The following TMEM108 variants were observed in gnomAD, a reference collection of about 807,000 sequenced individuals.
TMEM108 encodes cancer/testis antigen 124.
In TMEM108, 12 loss-of-function variants were observed where a neutral mutation model predicts 35.1. The observed-to-expected ratio is 0.34, with a 90% CI of 0.22 to 0.55. The LOEUF (loss-of-function observed/expected upper bound fraction) is 0.55, where lower values mean the gene tolerates loss of function less well. Ranked by LOEUF, TMEM108 falls within the 20% of genes least tolerant of loss-of-function variation. The pLI is 0.89. For synonymous variants in TMEM108, 287 were observed against 308.6 expected, an observed-to-expected ratio of 0.93 and a Z score of 0.73; for missense variants, 680 against 753.3, an observed-to-expected ratio of 0.90 and a Z score of 1.14.
intron 2 of TMEM108, among the ~76,000 whole-genome samples, chr3:133,082,613 C>G (rs1340612357): frequency 6.6e-6 from 1 of 152,054 alleles, no homozygotes; most frequent in Non-Finnish European, 1.5e-5. Flanking sequence ...ATTATATGGT[C>G]ACTTGTTTGC....
At chr3:133,106,869 G>A (rs1032102312) in intron 2 of TMEM108, among the ~76,000 whole-genome samples, 3 of 152,190 alleles carry the variant, frequency 2.0e-5, no homozygotes, top group Non-Finnish European at 4.4e-5. Flanking sequence ...CCCCAGTTAA[G>A]CTGCACTCAG....
chr3:133,237,457 CCTT>C, intron 3 of TMEM108, among the ~76,000 whole-genome samples: 1 of 152,210 alleles, frequency 6.6e-6, no homozygotes, highest in South Asian at 2.1e-4. Flanking sequence ...CAGGTCTTCT[CCTT>C]CTAATTCATC....
chr3:133,043,862 A>G (rs1441480571), intron 1 of TMEM108, among the ~76,000 whole-genome samples: 1 of 152,166 alleles, frequency 6.6e-6, no homozygotes, highest in African/African-American at 2.4e-5. Context: ...TTCCTTTTCT[A>G]TTTGTAATCC....
chr3:133,253,124 G>A (rs998091193), intron 3 of TMEM108, among the ~76,000 whole-genome samples: 1 of 152,094 alleles, frequency 6.6e-6, no homozygotes, highest in Non-Finnish European at 1.5e-5. Flanking sequence ...TTTTCTTCAG[G>A]GGTCCTGGGA....
At chr3:133,236,061 A>G (rs553710394) in intron 3 of TMEM108, among the ~76,000 whole-genome samples, 16 of 152,244 alleles carry the variant, frequency 1.1e-4, no homozygotes, top group South Asian at 2.1e-4. Flanking sequence ...TTTTATGAGA[A>G]TATGATGTTT....
chr3:133,380,341 G>A lies in TMEM108; in HGVS notation c.630G>A (p.Lys210=), dbSNP rs1214513434. The change falls in exon 4 of 6, where the codon AAG becomes AAA. Residue 210 remains lysine, a synonymous_variant. Coordinates refer to ENST00000321871, the MANE Select transcript of TMEM108 (RefSeq NM_023943.4). This position sits in a 1 kb window ranked among gnomAD's most constrained non-coding sequence, Gnocchi z 5.3. ...RNPSSTPLGQ[K]RPLGKIFQIY... ...CAAGCTCCACACCTCTGGGGCAGAA[G>A]CGGCCCCTGGGGAAAATCTTTCAGA... The A allele has an allele frequency of 1.9e-6, 3 of 1,614,120 alleles. No homozygotes were observed. The Admixed American group carries it at 5.0e-5, about 27-fold the overall frequency.
At chr3:133,199,263 A>G (rs1945624889) in intron 2 of TMEM108, among the ~76,000 whole-genome samples, 1 of 152,146 alleles carries the variant, frequency 6.6e-6, no homozygotes, top group African/African-American at 2.4e-5. Flanking sequence ...AAGTTTGATC[A>G]TCTGAAGCCT....
chr3:133,093,587 T>C (rs962486969), intron 2 of TMEM108, among the ~76,000 whole-genome samples: 1 of 152,180 alleles, frequency 6.6e-6, no homozygotes, highest in Non-Finnish European at 1.5e-5. Flanking sequence ...AGATCTAAAA[T>C]GCTTGGCAAT....
intron 3 of TMEM108, among the ~76,000 whole-genome samples, chr3:133,310,530 C>CTTTTTTTTTTT (rs59215786): frequency 2.7e-4 from 6 of 22,250 alleles, no homozygotes; most frequent in African/African-American, 4.6e-4. Context: ...GCAACCCCTG[C>CTTTTTTTTTTT]TTTTTTTTTT....
At chr3:133,248,655 A>G (rs1246287398) in intron 3 of TMEM108, 4 of 152,182 alleles carry the variant, frequency 2.6e-5, no homozygotes, top group Non-Finnish European at 4.4e-5. Flanking sequence ...CTCAAATCAG[A>G]TATTGGCTGG....
intron 2 of TMEM108, among the ~76,000 whole-genome samples, chr3:133,224,469 A>G (rs1361712925): frequency 6.6e-6 from 1 of 152,188 alleles, no homozygotes; most frequent in Non-Finnish European, 1.5e-5. Flanking sequence ...CTCATCTTAA[A>G]TTGTAGCTCC....
chr3:133,294,052 T>C (rs1947109589), intron 3 of TMEM108, among the ~76,000 whole-genome samples: 1 of 152,204 alleles, frequency 6.6e-6, no homozygotes, highest in South Asian at 2.1e-4. Context: ...TGTACCACTC[T>C]CTGTAAGTGT....
intron 3 of TMEM108, among the ~76,000 whole-genome samples, chr3:133,355,105 C>T (rs1386533205): frequency 6.6e-6 from 1 of 152,148 alleles, no homozygotes; most frequent in Non-Finnish European, 1.5e-5. Flanking sequence ...ACTTCCAGTG[C>T]ACAGATATTC....
intron 2 of TMEM108, among the ~76,000 whole-genome samples, chr3:133,212,574 T>A (rs975388246): frequency 6.6e-6 from 1 of 151,726 alleles, no homozygotes; most frequent in African/African-American, 2.4e-5. Flanking sequence ...TCAAGGAAAA[T>A]GAGAGAGAAC....
At chr3:133,179,866 A>G (rs541484935) in intron 2 of TMEM108, among the ~76,000 whole-genome samples, 1 of 146,560 alleles carries the variant, frequency 6.8e-6, no homozygotes, top group Non-Finnish European at 1.5e-5. Context: ...ATGTCTAGCC[A>G]TACTTACAAG....
chr3:133,314,162 T>C (rs2071168525), intron 3 of TMEM108, among the ~76,000 whole-genome samples: 1 of 152,172 alleles, frequency 6.6e-6, no homozygotes, highest in African/African-American at 2.4e-5. Context: ...CTAATGAAGA[T>C]AAATGAACAT....
At chr3:133,362,794 A>G (rs766504732) in intron 3 of TMEM108, among the ~76,000 whole-genome samples, 16 of 152,154 alleles carry the variant, frequency 1.1e-4, no homozygotes, top group Non-Finnish European at 1.6e-4. Flanking sequence ...TGGGTTGTCC[A>G]TCTGCCCCAC....
At chr3:133,138,268 A>G (rs931021290) in intron 2 of TMEM108, among the ~76,000 whole-genome samples, 4 of 152,210 alleles carry the variant, frequency 2.6e-5, no homozygotes, top group African/African-American at 7.2e-5. Flanking sequence ...GGTGTGACTC[A>G]TTCTCCAAGG....
chr3:133,314,139 T>C (rs1012129279), intron 3 of TMEM108, among the ~76,000 whole-genome samples: 1 of 152,200 alleles, frequency 6.6e-6, no homozygotes, highest in Non-Finnish European at 1.5e-5. Flanking sequence ...GAGTTTATTT[T>C]TTTCTGTTTC....
Sources: allele counts gnomAD v4.1 joint callset (sites outside exome capture counted in the v4.1 genomes callset), GRCh38; gene constraint gnomAD v4.1.1; non-coding constraint Gnocchi (gnomAD v3.1); transcripts MANE v1.5; gene names NCBI Gene and HGNC (gene_info 2026-07-23, HGNC 2026-07-21).